Variants in DYM observed in about 807,000 individuals in gnomAD.
DYM encodes dyggve-Melchior-Clausen syndrome protein.
Under a neutral mutation model 93.1 loss-of-function variants are expected in DYM, and 78 were observed. That is an observed-to-expected ratio of 0.84 (90% CI 0.70 to 1.01). The LOEUF is 1.01. Ranked by LOEUF, DYM falls within the 50% of genes least tolerant of loss-of-function variation. DYM has a pLI of 0.00. For missense variants in DYM, 789 were observed against 845.0 expected, an observed-to-expected ratio of 0.93 and a Z score of 0.82; for synonymous variants, 321 against 319.7, an observed-to-expected ratio of 1.00 and a Z score of -0.04.
In DYM at chr18:49,258,373, T is replaced by C; in HGVS notation, c.1365+7A>G. 1 of 1,558,600 alleles carries C rather than the reference T, an allele frequency of 6.4e-7. No homozygotes were observed. Among genetic ancestry groups the C allele is most frequent in the South Asian group, 1.1e-5 (1 of 90,032 alleles). ...AAAAAAGATAGAATAGCAGCTGGAA[T>C]ACTTACTCGTGTCCTAGTCATGTTG... On this transcript the variant is annotated splice_region_variant and intron_variant, in intron 12 of 17. Transcript: ENST00000675505.
chr18:49,222,014 A>C (rs375448540), intron 13 of DYM, among the ~76,000 whole-genome samples: 1 of 151,954 alleles, frequency 6.6e-6, no homozygotes, highest in Non-Finnish European at 1.5e-5. Flanking sequence ...AAAAGAAACT[A>C]GACAAAGTAT....
intron 2 of DYM, among the ~76,000 whole-genome samples, chr18:49,392,682 A>C (rs1445041553): frequency 1.6e-4 from 1 of 6,196 alleles, no homozygotes; most frequent in Non-Finnish European, 4.0e-4. Context: ...GCTTTTATTT[A>C]AAAAAAAAAA....
intron 1 of DYM, among the ~76,000 whole-genome samples, chr18:49,452,082 T>A (rs76948854): frequency 0.08 from 12,170 of 152,282 alleles, 770 homozygotes; most frequent in East Asian, 0.31. Context: ...CTTGGTCTCA[T>A]TGACTTCAAG....
chr18:49,308,612 T>C (rs1348190834), intron 8 of DYM, among the ~76,000 whole-genome samples: 4 of 152,156 alleles, frequency 2.6e-5, no homozygotes, highest in African/African-American at 4.8e-5. Flanking sequence ...ACCCCTCCCA[T>C]CTATGATCTG....
chr18:49,372,509 G>A (rs759462196), intron 5 of DYM, among the ~76,000 whole-genome samples: 1 of 152,208 alleles, frequency 6.6e-6, no homozygotes, highest in Non-Finnish European at 1.5e-5. Context: ...TTGGGAGGCC[G>A]AGGCAGGCAG....
intron 15 of DYM, among the ~76,000 whole-genome samples, chr18:49,140,053 C>CA (rs2084296758): frequency 6.6e-6 from 1 of 152,046 alleles, no homozygotes; most frequent in Admixed American, 6.6e-5. Context: ...GGCACCCATT[C>CA]AATAAATTCA....
chr18:49,260,006 T>G (rs557411791), intron 11 of DYM, among the ~76,000 whole-genome samples: 3 of 152,300 alleles, frequency 2.0e-5, no homozygotes, highest in Admixed American at 2.0e-4. Flanking sequence ...AAATTCTGAT[T>G]AGTATATCTA....
At chr18:49,200,752 T>G (rs1365404851) in intron 14 of DYM, among the ~76,000 whole-genome samples, 1 of 152,114 alleles carries the variant, frequency 6.6e-6, no homozygotes, top group Admixed American at 6.6e-5. Context: ...TTGACAAAAA[T>G]TATATATATT....
At chr18:49,437,077 A>G (rs888423006) in intron 1 of DYM, among the ~76,000 whole-genome samples, 5 of 151,936 alleles carry the variant, frequency 3.3e-5, no homozygotes, top group African/African-American at 7.3e-5. Context: ...TGTTTATTTT[A>G]TGTTCTTTTT....
rs573577123 is a variant in DYM at position 49,406,958 on chromosome 18, G to C, written c.141-15313C>G. Among the ~76,000 whole-genome samples the C allele has an allele frequency of 3.5e-4, 54 of 152,292 alleles. 2 individuals carry two copies. In the South Asian group the frequency reaches 0.011, roughly 32 times the overall value. On this transcript the variant is annotated intron_variant, in intron 2 of 17. Transcript: ENST00000675505. ...TAATGATCCAAATGTCCCTCAGTGAGTGACTGTCTAAACAAACTATGGCAC... is the reference window on the plus strand; with the variant it reads ...TAATGATCCAAATGTCCCTCAGTGACTGACTGTCTAAACAAACTATGGCAC...
At chr18:49,169,836 T>C (rs1030134290) in intron 14 of DYM, among the ~76,000 whole-genome samples, 14 of 152,118 alleles carry the variant, frequency 9.2e-5, no homozygotes, top group African/African-American at 3.4e-4. Flanking sequence ...GGACAGGAGA[T>C]GACAAGTGAA....
At chr18:49,045,908 C>T (rs1568334511) in intron 17 of DYM, among the ~76,000 whole-genome samples, 1 of 152,148 alleles carries the variant, frequency 6.6e-6, no homozygotes, top group Non-Finnish European at 1.5e-5. Flanking sequence ...GAGAATGGCA[C>T]TGTGCAGTGG....
intron 15 of DYM, among the ~76,000 whole-genome samples, chr18:49,122,371 A>C (rs2082457332): frequency 1.3e-5 from 2 of 151,458 alleles, no homozygotes; most frequent in African/African-American, 4.8e-5. Flanking sequence ...ACTACCTGAA[A>C]GATACAGAGA....
intron 14 of DYM, among the ~76,000 whole-genome samples, chr18:49,202,047 C>T (rs959219279): frequency 6.6e-6 from 1 of 152,190 alleles, no homozygotes; most frequent in Non-Finnish European, 1.5e-5. Context: ...ATCTTCCCTT[C>T]TTACCCAACA....
chr18:49,254,016 A>C (rs1453936239), intron 13 of DYM, among the ~76,000 whole-genome samples: 1 of 151,922 alleles, frequency 6.6e-6, no homozygotes, highest in African/African-American at 2.4e-5. Flanking sequence ...TATTTTCTAC[A>C]TATAAATCAT....
intron 8 of DYM, among the ~76,000 whole-genome samples, chr18:49,323,438 C>T (rs144512019): frequency 3.0e-3 from 461 of 152,244 alleles, no homozygotes; most frequent in African/African-American, 0.011. Context: ...TTTGTGTCAC[C>T]CTCAAAATTC....
In DYM at chr18:49,044,072, T is replaced by C. The variant is rs779250982; in HGVS notation, c.2158A>G (p.Thr720Ala). Reference protein sequence around the residue: ...YWNPQDIQLFTMDSD With the variant: ...YWNPQDIQLFAMDSD ...TCCTGCCCTCAGTCGGAATCCATGGTGAACAGCTGGATGTCCTGTGGATTC... is the reference window on the plus strand; with the variant it reads ...TCCTGCCCTCAGTCGGAATCCATGGCGAACAGCTGGATGTCCTGTGGATTC... The change falls in exon 18 of 18, where the codon ACC (threonine) becomes GCC (alanine). Residue 720 changes from threonine to alanine, a missense_variant. Physicochemically the swap from Thr to Ala is moderately conservative, Grantham distance 58 (BLOSUM62 0). Around this residue, in one of 3 missense-constraint regions of DYM, gnomAD observed 114 missense variants for 105.8 expected, o/e 1.08. Coordinates refer to ENST00000675505, the MANE Select transcript of DYM (RefSeq NM_001353214.3). The C allele has an allele frequency of 6.2e-6, 10 of 1,613,572 alleles. No individual in the cohort carries two copies. Among genetic ancestry groups the C allele is most frequent in the South Asian group, 3.3e-5 (3 of 91,070 alleles).
intron 17 of DYM, among the ~76,000 whole-genome samples, chr18:49,056,107 C>T (rs951967464): frequency 1.3e-5 from 2 of 152,130 alleles, no homozygotes; most frequent in East Asian, 1.9e-4. Context: ...TTTCTCAAGT[C>T]GTTCCTGTCT....
At chr18:49,388,428 T>A (rs938360229) in intron 3 of DYM, among the ~76,000 whole-genome samples, 1 of 151,054 alleles carries the variant, frequency 6.6e-6, no homozygotes, top group African/African-American at 2.4e-5. Context: ...GAATGTAAAC[T>A]ACAAAAGAAA....
Sources: allele counts gnomAD v4.1 joint callset (sites outside exome capture counted in the v4.1 genomes callset), GRCh38; gene constraint gnomAD v4.1.1; regional missense constraint gnomAD v4.1.1; transcripts MANE v1.5; gene names NCBI Gene and HGNC (gene_info 2026-07-23, HGNC 2026-07-21).